Variants in SNTG1 observed in about 807,000 individuals in gnomAD.
SNTG1 encodes the protein gamma-1-syntrophin.
In SNTG1, 39 loss-of-function variants were observed where a neutral mutation model predicts 74.7. That is an observed-to-expected ratio of 0.52 (90% confidence interval 0.40 to 0.68). The LOEUF (loss-of-function observed/expected upper bound fraction) is 0.68. Ranked by LOEUF, SNTG1 falls within the 30% of genes least tolerant of loss-of-function variation. SNTG1 has a pLI of 0.00. For synonymous variants in SNTG1, 254 were observed against 217.1 expected (o/e 1.17, Z -1.49); for missense variants, 685 against 609.5 (o/e 1.12, Z -1.30).
chr8:50,792,797 G>A lies in SNTG1; in HGVS notation c.1522G>A (p.Ala508Thr). 6.2e-7 allele frequency: 1 copy of A among 1,612,046 alleles called. No individual in the cohort carries two copies. The highest frequency in any genetic ancestry group is 8.5e-7 in the Non-Finnish European group (1 of 1,178,710). ...TACTGCTTCTACTGCTGCCAGCTCT[G>A]CTACCACGAGCAAAGCAAAGTATAC... ...QATASTAASS[A>T]TTSKAKYTT Residue 508 changes from alanine (A) to threonine (T), a missense_variant, in exon 19 of 19, where the codon GCT (alanine) becomes ACT (threonine). Ala to Thr is a moderately conservative substitution (Grantham distance 58). Coordinates refer to ENST00000642720, the MANE Select transcript of SNTG1 (RefSeq NM_018967.5).
intron 2 of SNTG1, among the ~76,000 whole-genome samples, chr8:50,252,541 A>C (rs2086688638): frequency 6.6e-6 from 1 of 152,234 alleles, no homozygotes; most frequent in Non-Finnish European, 1.5e-5. Flanking sequence ...TTAAGATCAC[A>C]GATACAAAGG....
At chr8:50,152,645 T>G (rs1399964116) in intron 1 of SNTG1, among the ~76,000 whole-genome samples, 2 of 152,232 alleles carry the variant, frequency 1.3e-5, no homozygotes, top group African/African-American at 4.8e-5. Flanking sequence ...GTAAAGGATT[T>G]TATTTCTCCT....
At chr8:50,189,596 G>A (rs994051503) in intron 2 of SNTG1, among the ~76,000 whole-genome samples, 3 of 152,200 alleles carry the variant, frequency 2.0e-5, no homozygotes, top group Admixed American at 1.3e-4. Flanking sequence ...TGTTCTGTGG[G>A]TAAAGGATAC....
At position 50,484,254 on chromosome 8, in the gene SNTG1, T is replaced by C. The variant is rs1474494455; in HGVS notation, c.364-18524T>C. Among the ~76,000 whole-genome samples the C allele has an allele frequency of 4.0e-5, 6 of 149,752 alleles. No individual in the cohort carries two copies. In the Admixed American group the frequency reaches 4.0e-4, roughly 10 times the overall value. On this transcript the variant is annotated intron_variant, in intron 8 of 18. Transcript: ENST00000642720. Reference sequence around the variant, plus strand: ...TTTTTTATGGAGTTTCCACTCTTGTTGCCCAGGCTGGAGAGCAATGGCACA... The same window carrying C: ...TTTTTTATGGAGTTTCCACTCTTGTCGCCCAGGCTGGAGAGCAATGGCACA...
intron 15 of SNTG1, among the ~76,000 whole-genome samples, chr8:50,690,438 G>A (rs996131698): frequency 6.6e-6 from 1 of 152,164 alleles, no homozygotes; most frequent in Non-Finnish European, 1.5e-5. Context: ...AGAGTTTCTG[G>A]TATGTTGTGT....
At chr8:50,694,279 T>C (rs1263276207) in intron 15 of SNTG1, among the ~76,000 whole-genome samples, 1 of 150,956 alleles carries the variant, frequency 6.6e-6, no homozygotes, top group African/African-American at 2.4e-5. Flanking sequence ...ACCACAGAAA[T>C]ACAAAGGATC....
intron 17 of SNTG1, among the ~76,000 whole-genome samples, chr8:50,735,677 G>C (rs192923930): frequency 6.6e-4 from 100 of 152,054 alleles, no homozygotes; most frequent in African/African-American, 2.2e-3. Flanking sequence ...GGAGAGAATG[G>C]AATCAAGTTG....
At chr8:50,746,986 T>A (rs2095556557) in intron 17 of SNTG1, among the ~76,000 whole-genome samples, 1 of 151,404 alleles carries the variant, frequency 6.6e-6, no homozygotes. Flanking sequence ...TTTACTTTTT[T>A]TTAGTGCTTT....
intron 13 of SNTG1, among the ~76,000 whole-genome samples, chr8:50,630,172 G>C (rs558511168): frequency 2.0e-5 from 3 of 152,096 alleles, no homozygotes; most frequent in Non-Finnish European, 4.4e-5. Context: ...ATCATAAAAT[G>C]AGGCTTGAAA....
At chr8:50,104,491 G>T (rs373214511) in intron 1 of SNTG1, among the ~76,000 whole-genome samples, 1 of 151,790 alleles carries the variant, frequency 6.6e-6, no homozygotes, top group Non-Finnish European at 1.5e-5. Flanking sequence ...TATCAATTTT[G>T]TTGATCCTTT....
At chr8:50,606,077 T>C (rs886106640) in intron 13 of SNTG1, among the ~76,000 whole-genome samples, 1 of 152,144 alleles carries the variant, frequency 6.6e-6, no homozygotes, top group South Asian at 2.1e-4. Context: ...TATTAGCCTG[T>C]AGTTTTCTTT....
At chr8:50,004,655 G>A (rs1404233903) in intron 1 of SNTG1, among the ~76,000 whole-genome samples, 8 of 152,294 alleles carry the variant, frequency 5.3e-5, no homozygotes, top group South Asian at 2.1e-4. Flanking sequence ...TGCTATTGTA[G>A]TGATTGGCAC....
chr8:50,546,320 G>A (rs902192382), intron 11 of SNTG1, among the ~76,000 whole-genome samples: 1 of 152,074 alleles, frequency 6.6e-6, no homozygotes, highest in Non-Finnish European at 1.5e-5. Context: ...TGATGAGGGG[G>A]AAAGGGGAAT....
chr8:50,619,639 G>A (rs1260568684), intron 13 of SNTG1, among the ~76,000 whole-genome samples: 6 of 151,344 alleles, frequency 4.0e-5, no homozygotes, highest in African/African-American at 1.5e-4. Flanking sequence ...GCTGAAGCAG[G>A]AGAATGGCAT....
At chr8:50,607,842 A>G (rs1036686819) in intron 13 of SNTG1, among the ~76,000 whole-genome samples, 2 of 151,562 alleles carry the variant, frequency 1.3e-5, no homozygotes, top group Admixed American at 6.6e-5. Context: ...TATGTTTTAA[A>G]GGTATGAATT....
intron 1 of SNTG1, among the ~76,000 whole-genome samples, chr8:50,111,451 T>G (rs770575348): frequency 2.0e-5 from 3 of 152,082 alleles, no homozygotes; most frequent in African/African-American, 4.8e-5. Flanking sequence ...CTCATTCTTC[T>G]TGCACCTACA....
intron 2 of SNTG1, among the ~76,000 whole-genome samples, chr8:50,198,051 C>G (rs1330328749): frequency 6.6e-6 from 1 of 152,114 alleles, no homozygotes; most frequent in Non-Finnish European, 1.5e-5. Context: ...TATTTCCGTA[C>G]TTTGCAGTTT....
intron 1 of SNTG1, among the ~76,000 whole-genome samples, chr8:50,016,464 C>A (rs994546257): frequency 7.2e-5 from 11 of 152,042 alleles, no homozygotes; most frequent in African/African-American, 2.7e-4. Context: ...AAGGGGACAA[C>A]TTAGATGATT....
At position 50,348,474 on chromosome 8, in the gene SNTG1, T is replaced by G. The variant is rs2091551192; in HGVS notation, c.-27-45738T>G. On this transcript the variant is annotated intron_variant, in intron 2 of 18. Coordinates refer to ENST00000642720, the MANE Select transcript of SNTG1 (RefSeq NM_018967.5). ...GAATAGAGAAAATCCATTTTCTCCA[T>G]GACTTGTGTATAGCTTTCCAGCTAC... 3.3e-5 allele frequency among the ~76,000 whole-genome samples: 5 copies of G among 152,200 alleles called. 1 individual carries two copies. The highest frequency in any genetic ancestry group is 1.2e-4 in the African/African-American group (5 of 41,456).
Sources: allele counts gnomAD v4.1 joint callset (sites outside exome capture counted in the v4.1 genomes callset), GRCh38; gene constraint gnomAD v4.1.1; transcripts MANE v1.5; gene names NCBI Gene and HGNC (gene_info 2026-07-23, HGNC 2026-07-21).